Variants in C8A observed in about 807,000 individuals in gnomAD.
The protein encoded by C8A is complement C8 alpha chain.
In C8A, 67 loss-of-function variants were observed where a neutral mutation model predicts 65.3. The observed-to-expected ratio is 1.03, with a 90% CI of 0.84 to 1.26. C8A has a LOEUF of 1.26. C8A is among the 50% of genes most tolerant of loss of function. C8A has a pLI of 0.00. For synonymous variants in C8A, 290 were observed against 259.4 expected, an observed-to-expected ratio of 1.12 and a Z score of -1.13; for missense variants, 781 against 723.9, an observed-to-expected ratio of 1.08 and a Z score of -0.90.
intron 10 of C8A, among the ~76,000 whole-genome samples, chr1:56,915,758 G>T (rs1259989397): frequency 6.6e-6 from 1 of 152,204 alleles, no homozygotes; most frequent in African/African-American, 2.4e-5. Context: ...GCTGGGGAAT[G>T]AAAGAGACAG....
At chr1:56,866,694 A>G (rs1056306166) in intron 1 of C8A, among the ~76,000 whole-genome samples, 2 of 152,228 alleles carry the variant, frequency 1.3e-5, no homozygotes, top group African/African-American at 4.8e-5. Flanking sequence ...CCAGTGGGCC[A>G]ATCTGGCTTT....
In C8A at chr1:56,885,349, T is replaced by TA. The variant is rs1172515892; in HGVS notation, c.856-577dup. 6.8e-5 allele frequency among the ~76,000 whole-genome samples: 6 copies of TA among 88,412 alleles called. 2 individuals are homozygous for TA. The highest frequency in any genetic ancestry group is 3.0e-4 in the African/African-American group (6 of 19,854). The allele number at this position is 88,412 out of a possible 152,430, so 58.0% of individuals were successfully genotyped here. A position where few individuals can be genotyped will look rare whatever the true frequency, so the allele number is the denominator to read the frequency against. On this transcript the variant is annotated intron_variant, in intron 6 of 10. Coordinates refer to ENST00000361249, the MANE Select transcript of C8A (RefSeq NM_000562.3). ...ATTTAAATATATATTTACATAAATA[T>TA]ATATTTATGTAAATATATATTTATA... is the stretch of plus-strand genomic sequence containing the variant.
At chr1:56,855,006 C>T in intron 1 of C8A, 28 bp downstream of exon 1, 1 of 1,563,208 alleles carries the variant, frequency 6.4e-7, no homozygotes, top group Non-Finnish European at 8.8e-7. Context: ...CTCTGCAAAA[C>T]TTGCACGTAG....
Position 56,876,020 on chromosome 1 carries a change from G to A in C8A, c.317-42G>A, listed in dbSNP as rs748569311. ...CTGATTGTGGGTGTGAGTCTGGAGG[G>A]AGAGGGGAACCCGAGGAGCAGCCAC... is the stretch of plus-strand genomic sequence containing the variant. On this transcript the variant is annotated intron_variant, in intron 3 of 10. Transcript: ENST00000361249. The A allele has an allele frequency of 1.9e-6, 3 of 1,605,756 alleles. No individual in the cohort carries two copies. In the South Asian group the frequency reaches 3.3e-5, roughly 18 times the overall value.
chr1:56,881,784 T>C, intron 5 of C8A, 150 bp downstream of exon 5: 1 of 754,554 alleles, frequency 1.3e-6, no homozygotes, highest in Non-Finnish European at 2.3e-6. Flanking sequence ...TCCCCACACA[T>C]GCTTAGTGTC....
chr1:56,862,077 A>C (rs1644039729), intron 1 of C8A, among the ~76,000 whole-genome samples: 1 of 152,124 alleles, frequency 6.6e-6, no homozygotes, highest in East Asian at 1.9e-4. Context: ...GAGTACATTC[A>C]ATATATTTTT....
chr1:56,876,736 G>A (rs955513821), intron 4 of C8A, among the ~76,000 whole-genome samples: 1 of 152,060 alleles, frequency 6.6e-6, no homozygotes, highest in Non-Finnish European at 1.5e-5. Flanking sequence ...TTTATCTGTT[G>A]AGATGAAATC....
chr1:56,906,550 C>T, intron 7 of C8A, 117 bp from the exon 8 acceptor site: 7 of 1,191,478 alleles, frequency 5.9e-6, no homozygotes, highest in Non-Finnish European at 8.7e-6. Flanking sequence ...GGGCTTTCAA[C>T]CCAGGCCTTT....
chr1:56,854,809 C>G lies in C8A; in HGVS notation c.-93C>G. ...AGTTTCCAACATCAGATAGATCTTA[C>G]AGGTCCCAGCCTGTAGACATCTTTT... On this transcript the variant is annotated 5_prime_UTR_variant, in exon 1 of 11. Coordinates refer to ENST00000361249, the MANE Select transcript of C8A (RefSeq NM_000562.3). 1 of 1,024,528 alleles carries G rather than the reference C, an allele frequency of 9.8e-7. No individual in the cohort carries two copies. Among genetic ancestry groups the G allele is most frequent in the Middle Eastern group, 2.7e-4 (1 of 3,732 alleles). The allele number at this position is 1,024,528 out of a possible 1,614,324, so 63.5% of individuals were successfully genotyped here. A position where few individuals can be genotyped will look rare whatever the true frequency, so the allele number is the denominator to read the frequency against.
rs758167128 is a variant in C8A at position 56,881,567 on chromosome 1, G to C, written c.587G>C (p.Arg196Pro). ...RELRYDSTCE[R>P]LYYGDDEKYF... ...CTTCGATATGACTCCACCTGTGAAC[G>C]TCTCTACTATGGAGATGATGAGAAA... The change falls in exon 5 of 11, where the codon CGT (arginine) becomes CCT (proline). Residue 196 changes from arginine (R) to proline (P), a missense_variant. Physicochemically the swap from Arg to Pro is moderately radical, Grantham distance 103. Transcript: ENST00000361249. 2 of 1,613,782 alleles carry C rather than the reference G, an allele frequency of 1.2e-6. No individual in the cohort carries two copies. The highest frequency in any genetic ancestry group is 1.7e-5 in the Admixed American group (1 of 59,988).
chr1:56,859,343 G>A (rs543613329), intron 1 of C8A, among the ~76,000 whole-genome samples: 1 of 152,332 alleles, frequency 6.6e-6, no homozygotes, highest in Non-Finnish European at 1.5e-5. Context: ...GAGCAATACA[G>A]TCATAATCTC....
chr1:56,861,417 T>C (rs1377289848), intron 1 of C8A, among the ~76,000 whole-genome samples: 1 of 152,076 alleles, frequency 6.6e-6, no homozygotes, highest in Non-Finnish European at 1.5e-5. Context: ...CAACAACTCA[T>C]TTCCATGGGC....
chr1:56,912,610 C>T lies in C8A; in HGVS notation c.1588C>T (p.Gln530Ter), dbSNP rs776071875. 6.2e-7 allele frequency: 1 copy of T among 1,614,014 alleles called. No individual in the cohort carries two copies. The highest frequency in any genetic ancestry group is 1.7e-5 in the Admixed American group (1 of 60,020). ...GGGTAGCTTGGGTGCTGCCTGTGAG[C>T]AAACACAGACAGAAGGTAAGGTCCG... ...RLGSLGAACE[Q>*]TQTEGAKADG... Residue 530 changes from glutamine to a stop codon, truncating the protein, a stop_gained, in exon 10 of 11, where the codon CAA becomes TAA. Transcript: ENST00000361249. LOFTEE classifies it low-confidence loss of function (END_TRUNC).
chr1:56,914,672 G>A (rs1644537255), intron 10 of C8A, among the ~76,000 whole-genome samples: 1 of 151,866 alleles, frequency 6.6e-6, no homozygotes, highest in East Asian at 1.9e-4. Context: ...TTTTGTTTTT[G>A]TTTTTCTTTT....
In C8A at chr1:56,912,384, G is replaced by T. The variant is rs774564281; in HGVS notation, c.1381-19G>T. On this transcript the variant is annotated intron_variant, in intron 9 of 10. Transcript: ENST00000361249. ...GATAGAGCCCAGGGAGGGGCCCTGT[G>T]TTCTTTCTGTGCCCACAGATGCAGC... 14 of 1,612,834 alleles carry T rather than the reference G, an allele frequency of 8.7e-6. No individual in the cohort carries two copies. Among genetic ancestry groups the T allele is most frequent in the African/African-American group, 1.3e-5 (1 of 74,912 alleles).
chr1:56,911,087 T>C (rs1644502142), intron 9 of C8A, among the ~76,000 whole-genome samples: 1 of 151,898 alleles, frequency 6.6e-6, no homozygotes, highest in East Asian at 1.9e-4. Flanking sequence ...TTTTTACTAT[T>C]ATCACATACA....
chr1:56,890,371 C>T lies in C8A; in HGVS notation c.1096+4204C>T, dbSNP rs534043172. ...CATTCAACCATGTCCACATGAGTAT[C>T]ACATGTGAAAAGAACAAAATCAGTA... On this transcript the variant is annotated intron_variant, in intron 7 of 10. Coordinates refer to ENST00000361249, the MANE Select transcript of C8A (RefSeq NM_000562.3). Among the ~76,000 whole-genome samples the T allele has an allele frequency of 3.9e-5, 6 of 152,262 alleles. No homozygotes were observed. In the South Asian group the frequency reaches 1.2e-3, roughly 32 times the overall value.
chr1:56,881,204 C>A (rs140316770), intron 4 of C8A, among the ~76,000 whole-genome samples: 6 of 152,336 alleles, frequency 3.9e-5, no homozygotes, highest in Non-Finnish European at 7.3e-5. Context: ...GCTACAACAT[C>A]TTTCAGAAGA....
At chr1:56,889,207 C>T (rs1015001824) in intron 7 of C8A, among the ~76,000 whole-genome samples, 4 of 151,986 alleles carry the variant, frequency 2.6e-5, no homozygotes, top group Admixed American at 1.3e-4. Context: ...TCTATAAATC[C>T]GGAAAGTTAG....
Sources: gnomAD v4.1 joint callset for allele counts (sites outside exome capture counted in the v4.1 genomes callset) on GRCh38, gnomAD v4.1.1 for gene constraint, MANE v1.5 for transcripts, NCBI Gene and HGNC (gene_info 2026-07-23, HGNC 2026-07-21) for gene names.